The following ZEB1 variants were observed in gnomAD, a reference collection of about 807,000 sequenced individuals.
ZEB1 encodes the protein zinc finger E-box binding homeobox 1.
A neutral mutation model predicts 84.9 loss-of-function variants in ZEB1; 21 were observed. The ratio of observed to expected loss-of-function variants is 0.25; its 90% CI spans 0.18 to 0.36. ZEB1 has a LOEUF of 0.36. ZEB1 is among the 10% of genes least tolerant of loss of function. The probability of loss-of-function intolerance (pLI) is 1.00; values close to 1 mark genes in which losing one functional copy is unlikely to be tolerated. For synonymous variants in ZEB1, 420 were observed against 471.1 expected (o/e 0.89, Z 1.41); for missense variants, 1,104 against 1,330.2 (o/e 0.83, Z 2.65).
intron 1 of ZEB1, among the ~76,000 whole-genome samples, chr10:31,409,035 A>C (rs1162328312): frequency 1.3e-5 from 2 of 152,190 alleles, no homozygotes; most frequent in Non-Finnish European, 2.9e-5. Flanking sequence ...CAATGAACTC[A>C]AATAAATTTA....
chr10:31,471,513 A>G (rs1340427315), intron 2 of ZEB1, among the ~76,000 whole-genome samples: 1 of 150,082 alleles, frequency 6.7e-6, no homozygotes, highest in African/African-American at 2.4e-5. Flanking sequence ...AGAGCTAACT[A>G]TCCTAAATAT....
chr10:31,452,046 A>G (rs1383769357), intron 1 of ZEB1, among the ~76,000 whole-genome samples: 1 of 152,062 alleles, frequency 6.6e-6, no homozygotes, highest in Non-Finnish European at 1.5e-5. Context: ...TGCAGGGGTA[A>G]AATTTAGAAT....
chr10:31,499,502 GA>G (rs1554912434), intron 3 of ZEB1, among the ~76,000 whole-genome samples: 3 of 151,880 alleles, frequency 2.0e-5, no homozygotes, highest in Non-Finnish European at 4.4e-5. Flanking sequence ...TTTCTGTCAG[GA>G]AAAAAAGCAT....
At chr10:31,465,369 G>A (rs1157588576) in intron 2 of ZEB1, among the ~76,000 whole-genome samples, 1 of 151,620 alleles carries the variant, frequency 6.6e-6, no homozygotes, top group Non-Finnish European at 1.5e-5. Context: ...AGATTGTTAT[G>A]ACTATAAAAT....
At position 31,525,119 on chromosome 10, in the gene ZEB1, A is replaced by G. The variant is rs532579551; in HGVS notation, c.2785+1006A>G. ...CTGATGAAAATTATGTGAAAGTCAA[A>G]TATCAGCATCCGTAAATAAAATTAG... On this transcript the variant is annotated intron_variant, in intron 8 of 8. Transcript: ENST00000424869. 3.0e-4 allele frequency among the ~76,000 whole-genome samples: 46 copies of G among 152,354 alleles called. 1 individual carries two copies. The highest frequency in any genetic ancestry group is 4.3e-4 in the African/African-American group (18 of 41,590).
At chr10:31,436,584 T>C (rs2058320735) in intron 1 of ZEB1, among the ~76,000 whole-genome samples, 1 of 152,110 alleles carries the variant, frequency 6.6e-6, no homozygotes, top group Non-Finnish European at 1.5e-5. Flanking sequence ...TCATTGTCTA[T>C]AAAATAAGGA....
chr10:31,458,219 A>G (rs1215276701), intron 1 of ZEB1, among the ~76,000 whole-genome samples: 1 of 152,134 alleles, frequency 6.6e-6, no homozygotes, highest in Non-Finnish European at 1.5e-5. Context: ...GCCAACTTAA[A>G]ATGACTTTAT....
intron 2 of ZEB1, among the ~76,000 whole-genome samples, chr10:31,475,119 G>A (rs2063912945): frequency 6.6e-6 from 1 of 151,796 alleles, no homozygotes; most frequent in Admixed American, 6.6e-5. Context: ...TAGATGACGA[G>A]TTAGTGGGTG....
intron 1 of ZEB1, among the ~76,000 whole-genome samples, chr10:31,399,368 G>T (rs2051463506): frequency 6.6e-6 from 1 of 152,096 alleles, no homozygotes; most frequent in South Asian, 2.1e-4. Context: ...TCCTCCGGCA[G>T]TTTTTCCCAT....
chr10:31,400,797 C>G (rs116432636), intron 1 of ZEB1, among the ~76,000 whole-genome samples: 187 of 152,120 alleles, frequency 1.2e-3, no homozygotes, highest in African/African-American at 4.3e-3. Context: ...GTTAAAGTAA[C>G]TGCTTTTTAA....
At chr10:31,470,831 C>T (rs1166929360) in intron 2 of ZEB1, among the ~76,000 whole-genome samples, 1 of 132,738 alleles carries the variant, frequency 7.5e-6, no homozygotes, top group Non-Finnish European at 1.6e-5. Flanking sequence ...AGGTTACCCT[C>T]AAAGGGAAGC....
chr10:31,450,976 T>G (rs1325263025), intron 1 of ZEB1, among the ~76,000 whole-genome samples: 1 of 152,112 alleles, frequency 6.6e-6, no homozygotes, highest in Non-Finnish European at 1.5e-5. Context: ...GTTGACTTCC[T>G]AGAATTCAGA....
intron 1 of ZEB1, among the ~76,000 whole-genome samples, chr10:31,431,296 G>C (rs2057678423): frequency 6.6e-6 from 1 of 152,142 alleles, no homozygotes; most frequent in African/African-American, 2.4e-5. Flanking sequence ...GCCTGCCAGG[G>C]AGCATTGCCT....
chr10:31,340,260 C>G (rs187559409), intron 1 of ZEB1, among the ~76,000 whole-genome samples: 20 of 151,998 alleles, frequency 1.3e-4, no homozygotes, highest in Non-Finnish European at 2.4e-4. Flanking sequence ...GCATATCCTG[C>G]TTTTGGTACA....
chr10:31,356,663 T>C (rs1001125690), intron 1 of ZEB1, among the ~76,000 whole-genome samples: 1 of 152,208 alleles, frequency 6.6e-6, no homozygotes, highest in Non-Finnish European at 1.5e-5. Flanking sequence ...TAACCAATCT[T>C]ATTTCTTTCA....
chr10:31,502,239 A>G, intron 3 of ZEB1, 109 bp from the exon 4 acceptor site: 8 of 1,106,872 alleles, frequency 7.2e-6, no homozygotes, highest in Non-Finnish European at 1.0e-5. Context: ...TTTTCTGCAG[A>G]TTCAAGAACA....
At chr10:31,480,593 G>C (rs1049797016) in intron 2 of ZEB1, among the ~76,000 whole-genome samples, 49 of 152,002 alleles carry the variant, frequency 3.2e-4, no homozygotes, top group African/African-American at 1.1e-3. Context: ...ACTTATAAGG[G>C]AACACTTCCA....
intron 1 of ZEB1, among the ~76,000 whole-genome samples, chr10:31,377,291 G>A (rs1590557030): frequency 6.6e-6 from 1 of 151,444 alleles, no homozygotes; most frequent in South Asian, 2.1e-4. Context: ...CTTCTACTTA[G>A]GCTCTAGGGA....
chr10:31,514,715 AT>A lies in ZEB1; in HGVS notation c.793+15del, dbSNP rs372002262. 18 of 1,606,432 alleles carry A rather than the reference AT, an allele frequency of 1.1e-5. No homozygotes were observed. Among genetic ancestry groups the A allele is most frequent in the African/African-American group, 4.0e-5 (3 of 74,664 alleles). On this transcript the variant is annotated splice_region_variant and intron_variant, in intron 6 of 8. Transcript: ENST00000424869. Reference sequence around the variant, plus strand: ...CACTTAAGAATTCACAGTGGTAAATATTTTTTTTCTTTCTATACCCTGAATA... The same window carrying A: ...CACTTAAGAATTCACAGTGGTAAATATTTTTTTCTTTCTATACCCTGAATA...
Sources: gnomAD v4.1 joint callset for allele counts (sites outside exome capture counted in the v4.1 genomes callset) on GRCh38, gnomAD v4.1.1 for gene constraint, MANE v1.5 for transcripts, NCBI Gene and HGNC (gene_info 2026-07-23, HGNC 2026-07-21) for gene names.